Variants in ARHGAP15 observed in about 807,000 individuals in gnomAD.
ARHGAP15 encodes Rho GTPase activating protein 15.
A neutral mutation model predicts 63.7 loss-of-function variants in ARHGAP15; 51 were observed. The observed-to-expected ratio is 0.80, with a 90% CI of 0.64 to 1.01. The LOEUF (loss-of-function observed/expected upper bound fraction) is 1.01. Among genes scored for constraint, ARHGAP15 ranks in the 50% least tolerant of loss-of-function variants. ARHGAP15 has a pLI of 0.00. For synonymous variants in ARHGAP15, 191 were observed against 193.8 expected (o/e 0.99, Z 0.12); for missense variants, 560 against 564.6 (o/e 0.99, Z 0.08).
At chr2:143,361,303 T>C (rs1376915741) in intron 6 of ARHGAP15, among the ~76,000 whole-genome samples, 1 of 152,216 alleles carries the variant, frequency 6.6e-6, no homozygotes, top group Non-Finnish European at 1.5e-5. Context: ...AAGAGGCACG[T>C]GCCAATTCTC....
intron 9 of ARHGAP15, among the ~76,000 whole-genome samples, chr2:143,514,633 C>T (rs2104969410): frequency 6.6e-6 from 1 of 152,296 alleles, no homozygotes; most frequent in South Asian, 2.1e-4. Context: ...GACAAACAAA[C>T]ATAAAATCTC....
chr2:143,699,122 C>A (rs1397163984), intron 12 of ARHGAP15, among the ~76,000 whole-genome samples: 1 of 152,006 alleles, frequency 6.6e-6, no homozygotes, highest in Non-Finnish European at 1.5e-5. Context: ...CATCAATAAA[C>A]CAGATCTGAA....
At chr2:143,643,702 A>G (rs1192575249) in intron 12 of ARHGAP15, among the ~76,000 whole-genome samples, 2 of 152,090 alleles carry the variant, frequency 1.3e-5, no homozygotes, top group Non-Finnish European at 2.9e-5. Flanking sequence ...TTGCAAAAGA[A>G]TAAAAGGAAG....
chr2:143,373,643 A>C lies in ARHGAP15; in HGVS notation c.475-61958A>C, dbSNP rs923477596. Among the ~76,000 whole-genome samples, 33 of 149,856 alleles carry C rather than the reference A, an allele frequency of 2.2e-4. No individual in the cohort carries two copies. In the East Asian group the frequency reaches 5.3e-3, roughly 24 times the overall value. On this transcript the variant is annotated intron_variant, in intron 6 of 13. Transcript: ENST00000295095. Reference sequence around the variant, plus strand: ...AGACTCTATCTCAAAAAAAAAAAAAAAAAAAAAAAAAAAAAAACACAGAAA... The same window carrying C: ...AGACTCTATCTCAAAAAAAAAAAAACAAAAAAAAAAAAAAAAACACAGAAA...
chr2:143,281,137 G>A (rs767988943), intron 6 of ARHGAP15, among the ~76,000 whole-genome samples: 1 of 152,096 alleles, frequency 6.6e-6, no homozygotes, highest in South Asian at 2.1e-4. Context: ...CATATAATTA[G>A]TAAGTGGTAA....
At chr2:143,373,063 G>GAGAA (rs35901299) in intron 6 of ARHGAP15, among the ~76,000 whole-genome samples, 75,666 of 151,048 alleles carry the variant, frequency 0.5, 20,403 homozygotes, top group African/African-American at 0.7. Context: ...GACAGATAAA[G>GAGAA]AGAAAATAGC....
At chr2:143,413,966 T>TGTGTGTGCGCGCACGC in intron 6 of ARHGAP15, among the ~76,000 whole-genome samples, 5 of 117,908 alleles carry the variant, frequency 4.2e-5, no homozygotes, top group Non-Finnish European at 8.5e-5. Context: ...TGTGTGTGTG[T>TGTGTGTGCGCGCACGC]GCGCGCTCTC....
intron 12 of ARHGAP15, among the ~76,000 whole-genome samples, chr2:143,658,638 A>AT (rs968646031): frequency 4.0e-5 from 6 of 151,168 alleles, no homozygotes; most frequent in African/African-American, 7.3e-5. Context: ...ACTCAGGCCC[A>AT]TTTTTTTTTC....
At chr2:143,434,846 C>T (rs1170427279) in intron 6 of ARHGAP15, among the ~76,000 whole-genome samples, 4 of 152,044 alleles carry the variant, frequency 2.6e-5, no homozygotes, top group African/African-American at 7.2e-5. Flanking sequence ...TCTGTAGGGT[C>T]GTATCCTTTT....
At chr2:143,682,739 G>A (rs1171597400) in intron 12 of ARHGAP15, 5 of 152,102 alleles carry the variant, frequency 3.3e-5, no homozygotes, top group Non-Finnish European at 7.4e-5. Flanking sequence ...TTTCTCAGCT[G>A]AAGTATTTGA....
rs1278665945 is a variant in ARHGAP15, at chr2:143,504,958, C to A, written c.827-14308C>A. Among the ~76,000 whole-genome samples, 2 of 152,202 alleles carry A rather than the reference C, an allele frequency of 1.3e-5. 1 individual carries two copies. Among genetic ancestry groups the A allele is most frequent in the East Asian group, 3.9e-4 (2 of 5,194 alleles). On this transcript the variant is annotated intron_variant, in intron 9 of 13. Transcript: ENST00000295095. ...CAGAAAGGCTGTTCTCCTCCCCACC[C>A]TGCCTGCATGGTGCACCTGATTTTT... is the stretch of plus-strand genomic sequence containing the variant.
chr2:143,524,228 G>A (rs1694172901), intron 10 of ARHGAP15, among the ~76,000 whole-genome samples: 1 of 151,852 alleles, frequency 6.6e-6, no homozygotes, highest in Non-Finnish European at 1.5e-5. Context: ...TTTTGCTGTC[G>A]TTTGTTTGAC....
At chr2:143,354,614 A>G (rs1280264776) in intron 6 of ARHGAP15, among the ~76,000 whole-genome samples, 1 of 152,150 alleles carries the variant, frequency 6.6e-6, no homozygotes, top group Non-Finnish European at 1.5e-5. Flanking sequence ...TAAGAAAAGC[A>G]TTTTAGCTCA....
At position 143,510,652 on chromosome 2, in the gene ARHGAP15, C is replaced by G. The variant is rs114008917; in HGVS notation, c.827-8614C>G. 4.1e-3 allele frequency among the ~76,000 whole-genome samples: 617 copies of G among 152,294 alleles called. 4 individuals carry two copies. The highest frequency in any genetic ancestry group is 0.014 in the African/African-American group (588 of 41,550). The stretch of plus-strand genomic sequence containing the variant: ...TAAACTTTCCGTTGCTTAATACAGC[C>G]ACAGTGTTGTGTTTTTCCGTTGCTT... On this transcript the variant is annotated intron_variant, in intron 9 of 13. Transcript: ENST00000295095.
chr2:143,375,044 TAGAA>T (rs371402940), intron 6 of ARHGAP15, among the ~76,000 whole-genome samples: 1 of 152,146 alleles, frequency 6.6e-6, no homozygotes, highest in African/African-American at 2.4e-5. Context: ...AATAAGAGGT[TAGAA>T]AGAAAGGAAA....
intron 6 of ARHGAP15, among the ~76,000 whole-genome samples, chr2:143,370,485 A>G (rs1246239339): frequency 1.3e-5 from 2 of 150,578 alleles, no homozygotes; most frequent in East Asian, 3.9e-4. Flanking sequence ...GTACCCTAAA[A>G]CTTAAAGTAT....
chr2:143,146,778 C>T (rs1365425059), intron 1 of ARHGAP15, among the ~76,000 whole-genome samples: 1 of 151,954 alleles, frequency 6.6e-6, no homozygotes, highest in African/African-American at 2.4e-5. Context: ...ATTAGTGTCC[C>T]ATCATTAGAC....
At chr2:143,538,408 A>C (rs1694880014) in intron 10 of ARHGAP15, among the ~76,000 whole-genome samples, 1 of 152,196 alleles carries the variant, frequency 6.6e-6, no homozygotes, top group Non-Finnish European at 1.5e-5. Flanking sequence ...CAGAACTTCC[A>C]ACACTATGTT....
intron 12 of ARHGAP15, among the ~76,000 whole-genome samples, chr2:143,685,165 C>T (rs778789085): frequency 1.3e-5 from 2 of 151,892 alleles, no homozygotes; most frequent in South Asian, 2.1e-4. Flanking sequence ...CGCATTTGCT[C>T]GGGAGAGGGG....
Sources: allele counts gnomAD v4.1 joint callset (sites outside exome capture counted in the v4.1 genomes callset), GRCh38; gene constraint gnomAD v4.1.1; transcripts MANE v1.5; gene names NCBI Gene and HGNC (gene_info 2026-07-23, HGNC 2026-07-21).